BBS9: variants seen among roughly 807,000 people sequenced by gnomAD.
BBS9 encodes the protein protein PTHB1.
In BBS9, 89 loss-of-function variants were observed where a neutral mutation model predicts 117.7. The ratio of observed to expected loss-of-function variants is 0.76; its 90% CI spans 0.64 to 0.90. BBS9 has a LOEUF of 0.90. Ranked by LOEUF, BBS9 falls within the 40% of genes least tolerant of loss-of-function variation. BBS9 has a pLI of 0.00. For synonymous variants in BBS9, 379 were observed against 370.9 expected (o/e 1.02, Z -0.25); for missense variants, 982 against 1,042.2 (o/e 0.94, Z 0.80).
chr7:33,219,043 T>C (rs1359769176), intron 5 of BBS9, among the ~76,000 whole-genome samples: 1 of 152,180 alleles, frequency 6.6e-6, no homozygotes, highest in Non-Finnish European at 1.5e-5. Flanking sequence ...CGGGTGGGTG[T>C]GGGCTTGGCG....
chr7:33,492,899 C>T (rs1402335929), intron 19 of BBS9, among the ~76,000 whole-genome samples: 1 of 149,938 alleles, frequency 6.7e-6, no homozygotes, highest in South Asian at 2.1e-4. Context: ...AATGCTTGGG[C>T]TTTGTAGGTT....
chr7:33,404,276 A>G (rs566976556), intron 19 of BBS9, among the ~76,000 whole-genome samples: 1 of 152,016 alleles, frequency 6.6e-6, no homozygotes, highest in Admixed American at 6.6e-5. Context: ...GTCAGGTAGC[A>G]TGATGCCTCC....
At chr7:33,526,169 G>A (rs1849467404) in intron 20 of BBS9, among the ~76,000 whole-genome samples, 2 of 151,630 alleles carry the variant, frequency 1.3e-5, no homozygotes, top group South Asian at 2.1e-4. Context: ...TTTCTCTCTG[G>A]CTGCCCTTAA....
At chr7:33,355,450 G>T (rs1215182875) in intron 15 of BBS9, among the ~76,000 whole-genome samples, 1 of 151,776 alleles carries the variant, frequency 6.6e-6, no homozygotes, top group East Asian at 1.9e-4. Context: ...CTGTAGACTG[G>T]TTTTTTTAAA....
chr7:33,166,730 T>C (rs553487793), intron 4 of BBS9, among the ~76,000 whole-genome samples: 1 of 152,370 alleles, frequency 6.6e-6, no homozygotes, highest in East Asian at 1.9e-4. Flanking sequence ...TTGCTGAGAC[T>C]GTTGGAAAAG....
intron 15 of BBS9, among the ~76,000 whole-genome samples, chr7:33,356,398 T>C (rs1819621271): frequency 6.6e-6 from 1 of 151,816 alleles, no homozygotes; most frequent in Non-Finnish European, 1.5e-5. Flanking sequence ...AAAGTACAAA[T>C]ACACATGCCT....
intron 21 of BBS9, among the ~76,000 whole-genome samples, chr7:33,565,793 A>G (rs1467154439): frequency 7.0e-4 from 27 of 38,534 alleles, no homozygotes; most frequent in African/African-American, 5.1e-3. Context: ...ATATATATAT[A>G]TATATATATA....
intron 9 of BBS9, among the ~76,000 whole-genome samples, chr7:33,287,465 T>G (rs1410198710): frequency 6.6e-6 from 1 of 152,210 alleles, no homozygotes; most frequent in Non-Finnish European, 1.5e-5. Flanking sequence ...AGTCATATCA[T>G]TTAAGTCATT....
intron 18 of BBS9, among the ~76,000 whole-genome samples, chr7:33,387,007 C>T (rs1247932506): frequency 6.6e-6 from 1 of 152,060 alleles, no homozygotes; most frequent in African/African-American, 2.4e-5. Context: ...GCACATTATA[C>T]ATACTATTTT....
At chr7:33,492,612 C>T (rs1844142660) in intron 19 of BBS9, among the ~76,000 whole-genome samples, 1 of 152,088 alleles carries the variant, frequency 6.6e-6, no homozygotes, top group South Asian at 2.1e-4. Context: ...GAGTAATGTG[C>T]AGGACTTGAA....
At chr7:33,347,775 C>T (rs970642333) in intron 12 of BBS9, among the ~76,000 whole-genome samples, 54 of 151,516 alleles carry the variant, frequency 3.6e-4, no homozygotes, top group South Asian at 6.2e-4. Flanking sequence ...GTAATACATG[C>T]TTTTTATTGA....
At chr7:33,590,810 CA>C (rs1341616307) in intron 21 of BBS9, among the ~76,000 whole-genome samples, 3 of 151,544 alleles carry the variant, frequency 2.0e-5, no homozygotes, top group African/African-American at 4.8e-5. Flanking sequence ...CTGCATTTTA[CA>C]AATAAGGAAA....
At chr7:33,219,266 G>A (rs996841906) in intron 5 of BBS9, among the ~76,000 whole-genome samples, 3 of 152,164 alleles carry the variant, frequency 2.0e-5, no homozygotes, top group South Asian at 2.1e-4. Flanking sequence ...CACCCCCTCC[G>A]TGGGCTCCTG....
At chr7:33,452,972 A>G (rs951743282) in intron 19 of BBS9, among the ~76,000 whole-genome samples, 5 of 152,244 alleles carry the variant, frequency 3.3e-5, no homozygotes, top group Non-Finnish European at 5.9e-5. Context: ...AGATTAAGTT[A>G]CATGACTGTG....
At chr7:33,553,460 C>G (rs1166654754) in intron 21 of BBS9, among the ~76,000 whole-genome samples, 2 of 152,184 alleles carry the variant, frequency 1.3e-5, no homozygotes, top group Non-Finnish European at 2.9e-5. Flanking sequence ...TATATATTTT[C>G]TGCTGTCTCC....
At chr7:33,348,765 G>T (rs112925311) in intron 12 of BBS9, among the ~76,000 whole-genome samples, 1 of 152,274 alleles carries the variant, frequency 6.6e-6, no homozygotes, top group African/African-American at 2.4e-5. Flanking sequence ...TATTGGGTAC[G>T]TAGTAGTATC....
intron 9 of BBS9, among the ~76,000 whole-genome samples, chr7:33,306,282 AAT>A (rs1213393857): frequency 1.3e-5 from 2 of 151,932 alleles, no homozygotes; most frequent in African/African-American, 4.8e-5. Flanking sequence ...CAATTTTTTG[AAT>A]GTTTTAAGAC....
At chr7:33,190,160 C>G (rs1344647027) in intron 5 of BBS9, among the ~76,000 whole-genome samples, 1 of 146,406 alleles carries the variant, frequency 6.8e-6, no homozygotes, top group Non-Finnish European at 1.5e-5. Context: ...CGCTCTGTCG[C>G]CCAGGCTGGA....
At chr7:33,566,693 TAGTC>T (rs1298598570) in intron 21 of BBS9, among the ~76,000 whole-genome samples, 5 of 152,098 alleles carry the variant, frequency 3.3e-5, no homozygotes, top group African/African-American at 1.2e-4. Context: ...GTGAATTAGT[TAGTC>T]ATTACTGTAT....
Sources: gnomAD v4.1 joint callset for allele counts (sites outside exome capture counted in the v4.1 genomes callset) on GRCh38, gnomAD v4.1.1 for gene constraint, MANE v1.5 for transcripts, NCBI Gene and HGNC (gene_info 2026-07-23, HGNC 2026-07-21) for gene names.